DIAPH2: variants seen among roughly 807,000 people sequenced by gnomAD.
The protein encoded by DIAPH2 is protein diaphanous homolog 2.
In DIAPH2, 35 loss-of-function variants were observed where a neutral mutation model predicts 92.7. That is an observed-to-expected ratio of 0.38 (90% CI 0.29 to 0.50). The LOEUF is 0.50. DIAPH2 is among the 20% of genes least tolerant of loss of function. DIAPH2 has a pLI of 0.94. For synonymous variants in DIAPH2, 301 were observed against 280.4 expected (o/e 1.07, Z -0.73); for missense variants, 701 against 819.5 (o/e 0.86, Z 1.77).
chrX:97,590,413 A>G (rs1216382531), intron 26 of DIAPH2, among the ~76,000 whole-genome samples: 2 of 112,207 alleles, frequency 1.8e-5, no homozygotes, highest in African/African-American at 6.5e-5. Context: ...TTCAGAAACA[A>G]AGGCAGATGA....
At chrX:97,347,457 T>C (rs2069169255) in intron 23 of DIAPH2, among the ~76,000 whole-genome samples, 3 of 110,310 alleles carry the variant, frequency 2.7e-5, no homozygotes, top group Admixed American at 2.0e-4. Flanking sequence ...AATATATATA[T>C]AGTTTTTTCT....
chrX:97,213,929 A>G (rs1187454401), intron 22 of DIAPH2, among the ~76,000 whole-genome samples: 2 of 112,041 alleles, frequency 1.8e-5, no homozygotes, highest in African/African-American at 6.5e-5. Context: ...GGACATAGCA[A>G]CCACCTCTGC....
chrX:96,838,703 G>A (rs1219530220), intron 4 of DIAPH2, among the ~76,000 whole-genome samples: 2 of 111,639 alleles, frequency 1.8e-5, no homozygotes, highest in Non-Finnish European at 3.8e-5. Flanking sequence ...ACAGTGTACC[G>A]TAATAGATGA....
chrX:97,010,384 C>G (rs1385033343), intron 17 of DIAPH2, among the ~76,000 whole-genome samples: 2 of 111,402 alleles, frequency 1.8e-5, no homozygotes, highest in Admixed American at 9.5e-5. Context: ...TCAAAATGGT[C>G]TTTCCTACCT....
At position 97,561,034 on chromosome X, in the gene DIAPH2, GA is replaced by G. The variant is rs2071290850; in HGVS notation, c.3242-38218del. Among the ~76,000 whole-genome samples, 5 of 111,960 alleles carry G rather than the reference GA, an allele frequency of 4.5e-5. No homozygotes were observed. In the South Asian group the frequency reaches 1.9e-3, roughly 42 times the overall value. On this transcript the variant is annotated intron_variant, in intron 26 of 26. Transcript: ENST00000324765. ...CTGAAGCATCTGGGGGGAAGGGGGAGAGAACCTTTAAGTTTTCTGCTTCTGA... is the reference window on the plus strand; with the variant it reads ...CTGAAGCATCTGGGGGGAAGGGGGAGGAACCTTTAAGTTTTCTGCTTCTGA...
At chrX:97,465,311 A>G (rs1452260528) in intron 26 of DIAPH2, among the ~76,000 whole-genome samples, 3 of 110,204 alleles carry the variant, frequency 2.7e-5, no homozygotes, top group South Asian at 3.8e-4. Flanking sequence ...GCGTTTATCT[A>G]TATTATACTG....
chrX:97,594,002 T>TACA (rs2071534772), intron 26 of DIAPH2, among the ~76,000 whole-genome samples: 1 of 111,653 alleles, frequency 9.0e-6, no homozygotes, highest in Non-Finnish European at 1.9e-5. Context: ...TTTAAATTAA[T>TACA]ACAACTATTC....
chrX:96,799,048 T>C (rs185219860), intron 4 of DIAPH2, among the ~76,000 whole-genome samples: 2 of 104,474 alleles, frequency 1.9e-5, no homozygotes, highest in African/African-American at 3.4e-5. Flanking sequence ...ACTGCAGATA[T>C]CTGGAACTGT....
At position 97,176,918 on chromosome X, in the gene DIAPH2, T is replaced by G. The variant is rs541326123; in HGVS notation, c.2719+35124T>G. ...TGGTATAGTATTTGCATATAACCTA[T>G]GCACATCCTCCCATATACTTTAAAT... On this transcript the variant is annotated intron_variant, in intron 22 of 26. Transcript: ENST00000324765. 2.8e-4 allele frequency among the ~76,000 whole-genome samples: 31 copies of G among 112,196 alleles called. 1 individual carries two copies. The highest frequency in any genetic ancestry group is 8.4e-4 in the East Asian group (3 of 3,579).
chrX:96,918,558 A>G lies in DIAPH2; in HGVS notation c.919A>G (p.Arg307Gly), dbSNP rs765862861. ...AACAACAGCAGCAGAAAGAAATAACAGGGAACGATTTTCACCAATTGTGGA... is the reference window on the plus strand; with the variant it reads ...AACAACAGCAGCAGAAAGAAATAACGGGGAACGATTTTCACCAATTGTGGA... ...AITTAAERNNRERFSPIVEGL... is the reference protein window; with the variant it reads ...AITTAAERNNGERFSPIVEGL... Residue 307 changes from arginine (R) to glycine (G), a missense_variant, in exon 9 of 27, where the codon AGG becomes GGG. Physicochemically the swap from Arg to Gly is moderately radical, Grantham distance 125. Around this residue, in one of 3 missense-constraint regions of DIAPH2, gnomAD observed 536 missense variants for 599.3 expected, o/e 0.89. Coordinates refer to ENST00000324765, the MANE Select transcript of DIAPH2 (RefSeq NM_006729.5). The G allele has an allele frequency of 8.3e-7, 1 of 1,208,016 alleles. No homozygotes were observed. The highest frequency in any genetic ancestry group is 2.2e-5 in the Admixed American group (1 of 45,423).
intron 22 of DIAPH2, among the ~76,000 whole-genome samples, chrX:97,232,159 C>T (rs966912821): frequency 3.6e-5 from 4 of 110,999 alleles, no homozygotes; most frequent in Non-Finnish European, 7.6e-5. Context: ...TACCCACAAC[C>T]ATCCTCACAT....
In DIAPH2 at chrX:97,432,041, C is replaced by T. The variant is rs991165792; in HGVS notation, c.3241+2296C>T. Among the ~76,000 whole-genome samples, 3 of 111,736 alleles carry T rather than the reference C, an allele frequency of 2.7e-5. No individual in the cohort carries two copies. The Admixed American group carries it at 2.9e-4, about 11-fold the overall frequency. ...CATTGACATTCTTGATCTTTTCCAA[C>T]AACCTCCACTTCAGCATGATGAGAT... On this transcript the variant is annotated intron_variant, in intron 26 of 26. Transcript: ENST00000324765.
At chrX:97,385,932 A>G (rs1209226324) in intron 25 of DIAPH2, among the ~76,000 whole-genome samples, 5 of 112,293 alleles carry the variant, frequency 4.5e-5, no homozygotes, top group Non-Finnish European at 9.4e-5. Context: ...GAGAGGTAGA[A>G]CCAAGATTTG....
At position 97,601,241 on chromosome X, in the gene DIAPH2, A is replaced by C. The variant is rs1255365965; in HGVS notation, c.*1924A>C. On this transcript the variant is annotated 3_prime_UTR_variant, in exon 27 of 27. Coordinates refer to ENST00000324765, the MANE Select transcript of DIAPH2 (RefSeq NM_006729.5). ...TCAGTCTGTAGGAGAATGATCTTGA[A>C]ATGTTAACCCTGACTAAAATTTGGG... 1 of 111,773 alleles carries C rather than the reference A, an allele frequency of 8.9e-6. No homozygotes were observed. Among genetic ancestry groups the C allele is most frequent in the African/African-American group, 3.3e-5 (1 of 30,641 alleles). 9.2% of individuals were successfully genotyped at this position (111,773 alleles called of 1,213,427 possible).
At position 97,432,357 on chromosome X, in the gene DIAPH2, C is replaced by T. The variant is rs1015874241; in HGVS notation, c.3241+2612C>T. 7.3e-5 allele frequency among the ~76,000 whole-genome samples: 8 copies of T among 109,109 alleles called. No homozygotes were observed. In the East Asian group the frequency reaches 1.2e-3, roughly 16 times the overall value. The allele number at this position is 109,109 out of a possible 115,157, so 94.7% of individuals were successfully genotyped here. On this transcript the variant is annotated intron_variant, in intron 26 of 26. Transcript: ENST00000324765. Reference sequence around the variant, plus strand: ...TTGCCCAGGCTGGAGTACAGTGGTGCGATCTCGGCCCACTGCAACCTCCAC... The same window carrying T: ...TTGCCCAGGCTGGAGTACAGTGGTGTGATCTCGGCCCACTGCAACCTCCAC...
chrX:97,374,902 G>A lies in DIAPH2; in HGVS notation c.3010-9007G>A, dbSNP rs191075408. ...TTGTTCAATTTCTTGTTCAGATGCTGAAAAACTCATCTTGACTCACACTGT... is the reference window on the plus strand; with the variant it reads ...TTGTTCAATTTCTTGTTCAGATGCTAAAAAACTCATCTTGACTCACACTGT... On this transcript the variant is annotated intron_variant, in intron 24 of 26. Coordinates refer to ENST00000324765, the MANE Select transcript of DIAPH2 (RefSeq NM_006729.5). Among the ~76,000 whole-genome samples, 19 of 111,830 alleles carry A rather than the reference G, an allele frequency of 1.7e-4. 1 individual carries two copies. Among genetic ancestry groups the A allele is most frequent in the Non-Finnish European group, 3.6e-4 (19 of 53,182 alleles).
chrX:96,986,606 A>T (rs914464570), intron 17 of DIAPH2, among the ~76,000 whole-genome samples: 4 of 111,454 alleles, frequency 3.6e-5, no homozygotes, highest in Admixed American at 2.9e-4. Flanking sequence ...AGAGGAAATG[A>T]AAATATGCCC....
chrX:97,340,692 G>C (rs1222366717), intron 23 of DIAPH2, among the ~76,000 whole-genome samples: 1 of 95,951 alleles, frequency 1.0e-5, no homozygotes, highest in African/African-American at 3.9e-5. Flanking sequence ...GCCTCGCTCT[G>C]TCGCTCAGGC....
chrX:97,157,878 A>T (rs1311521234), intron 22 of DIAPH2, among the ~76,000 whole-genome samples: 1 of 112,069 alleles, frequency 8.9e-6, no homozygotes, highest in Non-Finnish European at 1.9e-5. Context: ...ATGGCATTTG[A>T]TATAGTTAGC....
Sources: allele counts gnomAD v4.1 joint callset (sites outside exome capture counted in the v4.1 genomes callset), GRCh38; gene constraint gnomAD v4.1.1; regional missense constraint gnomAD v4.1.1; transcripts MANE v1.5; gene names NCBI Gene and HGNC (gene_info 2026-07-23, HGNC 2026-07-21).